SP140L: variants seen among roughly 807,000 people sequenced by gnomAD.
The protein encoded by SP140L is nuclear body protein SP140-like protein.
SP140L carries 64 observed loss-of-function variants against 84.3 expected under a neutral mutation model. The ratio of observed to expected loss-of-function variants is 0.76; its 90% CI spans 0.62 to 0.94. The LOEUF (loss-of-function observed/expected upper bound fraction) is 0.94. Among genes scored for constraint, SP140L ranks in the 40% least tolerant of loss-of-function variants. The pLI, the probability that SP140L is intolerant of heterozygous loss-of-function variation, is 0.00. For synonymous variants in SP140L, 242 were observed against 236.9 expected (o/e 1.02, Z -0.20); for missense variants, 628 against 692.5 (o/e 0.91, Z 1.05).
chr2:230,365,231 T>C (rs1284162928), intron 5 of SP140L, among the ~76,000 whole-genome samples: 1 of 152,058 alleles, frequency 6.6e-6, no homozygotes, highest in Admixed American at 6.6e-5. Flanking sequence ...AGTATCAGTA[T>C]TTATTATTTA....
intron 4 of SP140L, 125 bp from the exon 5 acceptor site, chr2:230,361,489 T>C (rs1352970167): frequency 4.9e-6 from 3 of 614,206 alleles, no homozygotes; most frequent in Admixed American, 3.4e-5. Context: ...CAGAAGATGA[T>C]AGGAGAAGTT....
At chr2:230,336,171 G>T (rs2059874407) in intron 2 of SP140L, among the ~76,000 whole-genome samples, 1 of 152,176 alleles carries the variant, frequency 6.6e-6, no homozygotes, top group South Asian at 2.1e-4. Context: ...TGCATGATGG[G>T]ATTGGGAGGT....
At chr2:230,382,379 G>C (rs1397539820) in intron 7 of SP140L, among the ~76,000 whole-genome samples, 1 of 152,114 alleles carries the variant, frequency 6.6e-6, no homozygotes, top group Admixed American at 6.5e-5. Flanking sequence ...TATCACCAAT[G>C]CTCCTGCTTC....
chr2:230,348,773 G>A (rs1028284504), intron 2 of SP140L, among the ~76,000 whole-genome samples: 49 of 152,084 alleles, frequency 3.2e-4, no homozygotes, highest in African/African-American at 1.2e-3. Flanking sequence ...TGATGTTGTA[G>A]CTAACTCTTC....
chr2:230,355,107 G>A (rs1348066045), intron 2 of SP140L, among the ~76,000 whole-genome samples: 15 of 151,982 alleles, frequency 9.9e-5, no homozygotes, highest in Admixed American at 9.2e-4. Context: ...CTCCTGACCA[G>A]CGAAATAAGA....
chr2:230,354,869 G>GAAA (rs1281592038), intron 2 of SP140L, among the ~76,000 whole-genome samples: 1 of 112,658 alleles, frequency 8.9e-6, no homozygotes, highest in Non-Finnish European at 1.8e-5. Context: ...AAGAAAGAAA[G>GAAA]AAAGAAAGAA....
chr2:230,336,028 G>A (rs562932224), intron 2 of SP140L, among the ~76,000 whole-genome samples: 1 of 152,338 alleles, frequency 6.6e-6, no homozygotes, highest in East Asian at 1.9e-4. Context: ...ATACAGATAA[G>A]CATAATGAAG....
chr2:230,378,195 A>G (rs977199661), intron 7 of SP140L, among the ~76,000 whole-genome samples: 1 of 152,116 alleles, frequency 6.6e-6, no homozygotes, highest in African/African-American at 2.4e-5. Context: ...TTATGCCAAT[A>G]CACCATCTTG....
At chr2:230,331,990 A>G (rs562236625) in intron 2 of SP140L, among the ~76,000 whole-genome samples, 2 of 151,748 alleles carry the variant, frequency 1.3e-5, no homozygotes, top group South Asian at 2.1e-4. Flanking sequence ...CAGGATTGTC[A>G]GTGTAATACT....
At chr2:230,369,556 C>A (rs2060989025) in intron 5 of SP140L, among the ~76,000 whole-genome samples, 1 of 152,172 alleles carries the variant, frequency 6.6e-6, no homozygotes, top group Non-Finnish European at 1.5e-5. Flanking sequence ...AGTTCAGGCA[C>A]TACAGACTTT....
rs765969471 is a variant in SP140L, at chr2:230,400,098, A to G, written c.1198-29A>G. ...GGCCTTCCTGAATCTTGTGATTCCC[A>G]GTGACGTGGACACTGTTTTACCTTC... On this transcript the variant is annotated intron_variant, in intron 14 of 18. Coordinates refer to ENST00000415673, the MANE Select transcript of SP140L (RefSeq NM_138402.6). 5.6e-6 allele frequency: 9 copies of G among 1,611,902 alleles called. No individual in the cohort carries two copies. In the East Asian group the frequency reaches 1.8e-4, roughly 32 times the overall value.
At chr2:230,358,637 C>CTGTTTTG (rs1559424281) in intron 3 of SP140L, among the ~76,000 whole-genome samples, 1 of 152,176 alleles carries the variant, frequency 6.6e-6, no homozygotes, top group Non-Finnish European at 1.5e-5. Context: ...AACAGCCACT[C>CTGTTTTG]ATTGATTGCC....
intron 15 of SP140L, chr2:230,400,495 T>C (rs1308399398): frequency 3.9e-6 from 2 of 511,110 alleles, no homozygotes; most frequent in Non-Finnish European, 7.1e-6. Context: ...CATACTGGTA[T>C]TGTCCTTTCC....
At chr2:230,357,408 C>A (rs942395709) in intron 2 of SP140L, among the ~76,000 whole-genome samples, 2 of 152,080 alleles carry the variant, frequency 1.3e-5, no homozygotes, top group Non-Finnish European at 2.9e-5. Context: ...GTTGATTAAG[C>A]TGCATTTTCA....
chr2:230,329,422 G>T (rs1370831870), intron 2 of SP140L, among the ~76,000 whole-genome samples: 1 of 152,096 alleles, frequency 6.6e-6, no homozygotes, highest in Non-Finnish European at 1.5e-5. Flanking sequence ...TTTCCTCCAT[G>T]ACAATTATCT....
chr2:230,341,235 A>G (rs1056414674), intron 2 of SP140L, among the ~76,000 whole-genome samples: 1 of 144,126 alleles, frequency 6.9e-6, no homozygotes, highest in African/African-American at 2.6e-5. Context: ...GCTTCATTTC[A>G]TTCATTTCAT....
intron 2 of SP140L, among the ~76,000 whole-genome samples, chr2:230,351,143 CT>C (rs2149714281): frequency 6.6e-6 from 1 of 152,284 alleles, no homozygotes; most frequent in African/African-American, 2.4e-5. Context: ...AAAGCTGGAT[CT>C]GCTGGGTCAG....
intron 7 of SP140L, among the ~76,000 whole-genome samples, chr2:230,378,827 T>C (rs926631110): frequency 2.0e-5 from 3 of 152,232 alleles, no homozygotes; most frequent in Non-Finnish European, 4.4e-5. Context: ...GTTGTTTAAA[T>C]ATGGGTTCAT....
rs186223692 is a variant in SP140L at position 230,361,857 on chromosome 2, A to T, written c.523+160A>T. On this transcript the variant is annotated intron_variant, in intron 5 of 18. Transcript: ENST00000415673. The stretch of plus-strand genomic sequence containing the variant: ...GGGGGTTGTATGAGCTCCTAATCAG[A>T]TGCAGGGTCCTGGAGAAGTGGCCAT... 8.2e-4 allele frequency among the ~76,000 whole-genome samples: 125 copies of T among 152,312 alleles called. 3 individuals carry two copies. Among genetic ancestry groups the T allele is most frequent in the African/African-American group, 2.8e-3 (116 of 41,566 alleles).
Sources: allele counts gnomAD v4.1 joint callset (sites outside exome capture counted in the v4.1 genomes callset), GRCh38; gene constraint gnomAD v4.1.1; transcripts MANE v1.5; gene names NCBI Gene and HGNC (gene_info 2026-07-23, HGNC 2026-07-21).